The following VPS13A variants were observed in gnomAD, a reference collection of about 807,000 sequenced individuals.
VPS13A encodes intermembrane lipid transfer protein VPS13A.
In VPS13A, 264 loss-of-function variants were observed where a neutral mutation model predicts 390.9. The ratio of observed to expected loss-of-function variants is 0.68; its 90% confidence interval spans 0.61 to 0.75. The LOEUF is 0.75. Among genes scored for constraint, VPS13A ranks in the 30% least tolerant of loss-of-function variants. VPS13A has a pLI of 0.00. For synonymous variants in VPS13A, 1,231 were observed against 1,227.1 expected (o/e 1.00, Z -0.07); for missense variants, 3,409 against 3,733.9 (o/e 0.91, Z 2.27).
At chr9:77,296,193 A>G (rs997566050) in intron 33 of VPS13A, among the ~76,000 whole-genome samples, 1 of 152,218 alleles carries the variant, frequency 6.6e-6, no homozygotes, top group African/African-American at 2.4e-5. Flanking sequence ...TTGCAAATAC[A>G]TTATCATCTT....
At chr9:77,382,896 C>A (rs1833515409) in intron 68 of VPS13A, 2 of 985,172 alleles carry the variant, frequency 2.0e-6, no homozygotes, top group South Asian at 4.7e-5. Context: ...CTTTTTAAAA[C>A]CTGGATTATG....
At chr9:77,239,351 G>A (rs550770324) in intron 19 of VPS13A, among the ~76,000 whole-genome samples, 31 of 151,238 alleles carry the variant, frequency 2.0e-4, no homozygotes, top group Non-Finnish European at 4.1e-4. Flanking sequence ...CCAGCCTGGC[G>A]ACAGAGCAAC....
chr9:77,186,119 A>G (rs903159197), intron 1 of VPS13A, among the ~76,000 whole-genome samples: 1 of 152,208 alleles, frequency 6.6e-6, no homozygotes, highest in Non-Finnish European at 1.5e-5. Context: ...CTCTGTCTCA[A>G]AAAACACAAA....
At chr9:77,357,924 T>TC in intron 56 of VPS13A, 86 bp downstream of exon 56, 2 of 1,247,550 alleles carry the variant, frequency 1.6e-6, no homozygotes, top group South Asian at 1.3e-5. Context: ...CTGCTTTATC[T>TC]AGTATTCAGT....
At position 77,319,465 on chromosome 9, in the gene VPS13A, T is replaced by C. The variant is rs1326195112; in HGVS notation, c.5314-107T>C. On this transcript the variant is annotated intron_variant, in intron 41 of 71. Coordinates refer to ENST00000360280, the MANE Select transcript of VPS13A (RefSeq NM_033305.3). ...TGAGGGAGTGCTTATAGGAAGCTAC[T>C]GAATGGCATGTAGACTGGTTTTTAT... is the stretch of plus-strand genomic sequence containing the variant. 8 of 741,630 alleles carry C rather than the reference T, an allele frequency of 1.1e-5. No homozygotes were observed. The East Asian group carries it at 1.9e-4, about 18-fold the overall frequency. 45.9% of individuals were successfully genotyped at this position (741,630 alleles called of 1,614,324 possible).
chr9:77,248,302 G>T (rs943312994), intron 20 of VPS13A, among the ~76,000 whole-genome samples: 1 of 150,158 alleles, frequency 6.7e-6, no homozygotes, highest in Admixed American at 6.6e-5. Context: ...TGCAAGCTCC[G>T]CCTCCTGGGT....
chr9:77,189,334 C>T (rs1016402616), intron 1 of VPS13A, among the ~76,000 whole-genome samples: 1 of 152,088 alleles, frequency 6.6e-6, no homozygotes, highest in African/African-American at 2.4e-5. Flanking sequence ...ATGTGGCTGG[C>T]CGTTATCTCC....
intron 9 of VPS13A, among the ~76,000 whole-genome samples, chr9:77,214,093 T>A (rs151150023): frequency 6.6e-6 from 1 of 151,756 alleles, no homozygotes; most frequent in African/African-American, 2.4e-5. Context: ...ATAGCCAACA[T>A]GTTAAAACCC....
chr9:77,393,854 C>T (rs1021055965), intron 68 of VPS13A, among the ~76,000 whole-genome samples: 2 of 152,098 alleles, frequency 1.3e-5, no homozygotes, highest in African/African-American at 2.4e-5. Flanking sequence ...CTGCAACCTC[C>T]GCCTCCTGGG....
chr9:77,298,811 A>C (rs1395871593), intron 33 of VPS13A, among the ~76,000 whole-genome samples: 1 of 152,096 alleles, frequency 6.6e-6, no homozygotes, highest in South Asian at 2.1e-4. Flanking sequence ...TACTGTTCTC[A>C]TGATAGTTAA....
chr9:77,263,431 G>T (rs1003158464), intron 23 of VPS13A, among the ~76,000 whole-genome samples: 1 of 151,902 alleles, frequency 6.6e-6, no homozygotes, highest in Non-Finnish European at 1.5e-5. Flanking sequence ...TTTAATGACC[G>T]ACATTCTAAC....
At chr9:77,324,829 A>G (rs1337592772) in intron 45 of VPS13A, among the ~76,000 whole-genome samples, 1 of 152,012 alleles carries the variant, frequency 6.6e-6, no homozygotes, top group East Asian at 1.9e-4. Flanking sequence ...GGTGCACACC[A>G]CCACACCTAT....
Position 77,273,378 on chromosome 9 carries a change from G to C in VPS13A, c.2512+14G>C. 1 of 1,577,916 alleles carries C rather than the reference G, an allele frequency of 6.3e-7. No homozygotes were observed. The highest frequency in any genetic ancestry group is 1.2e-5 in the South Asian group (1 of 85,826). On this transcript the variant is annotated intron_variant, in intron 24 of 71. Transcript: ENST00000360280. ...TTTCTGAAGATGGTAAAATGAAACT[G>C]CTTAAGGATATTTTTCTTATTTTAT...
At chr9:77,201,095 ATGATT>A (rs1274458859) in intron 2 of VPS13A, among the ~76,000 whole-genome samples, 6 of 152,142 alleles carry the variant, frequency 3.9e-5, no homozygotes, top group Non-Finnish European at 8.8e-5. Context: ...AAAATTGGTA[ATGATT>A]TGATATGAGT....
intron 68 of VPS13A, chr9:77,382,867 T>C (rs1340508296): frequency 2.0e-6 from 2 of 985,332 alleles, no homozygotes; most frequent in African/African-American, 3.5e-5. Flanking sequence ...TAGACAACTT[T>C]CTTACTTGGT....
At chr9:77,403,945 T>C (rs145445559) in intron 69 of VPS13A, among the ~76,000 whole-genome samples, 26 of 151,668 alleles carry the variant, frequency 1.7e-4, no homozygotes, top group Non-Finnish European at 3.7e-4. Flanking sequence ...TAGAAATGAA[T>C]TGTCAATCTA....
At chr9:77,382,998 G>A (rs1833522929) in intron 68 of VPS13A, 1 of 985,052 alleles carries the variant, frequency 1.0e-6, no homozygotes, top group Admixed American at 6.2e-5. Context: ...TCATTTGTTT[G>A]AAAACAAACA....
At chr9:77,319,195 C>CAAAA (rs5898533) in intron 41 of VPS13A, among the ~76,000 whole-genome samples, 8 of 123,490 alleles carry the variant, frequency 6.5e-5, no homozygotes, top group Admixed American at 1.6e-4. Flanking sequence ...GACCCAGACT[C>CAAAA]AAAAAAAAAA....
intron 19 of VPS13A, among the ~76,000 whole-genome samples, chr9:77,240,915 T>G (rs944872692): frequency 2.6e-5 from 4 of 152,240 alleles, no homozygotes; most frequent in Non-Finnish European, 5.9e-5. Context: ...TCTGCTGTTT[T>G]TTTTTGTACA....
Sources: gnomAD v4.1 joint callset for allele counts (sites outside exome capture counted in the v4.1 genomes callset) on GRCh38, gnomAD v4.1.1 for gene constraint, MANE v1.5 for transcripts, NCBI Gene and HGNC (gene_info 2026-07-23, HGNC 2026-07-21) for gene names.